KDM5B: variants seen among roughly 807,000 people sequenced by gnomAD.
KDM5B encodes lysine demethylase 5B.
A neutral mutation model predicts 193.4 loss-of-function variants in KDM5B; 144 were observed. The ratio of observed to expected loss-of-function variants is 0.74; its 90% CI spans 0.65 to 0.86. The LOEUF (loss-of-function observed/expected upper bound fraction) is 0.86. KDM5B is among the 40% of genes least tolerant of loss of function. The pLI, the probability that KDM5B is intolerant of heterozygous loss-of-function variation, is 0.00. For synonymous variants in KDM5B, 668 were observed against 682.6 expected (o/e 0.98, Z 0.33); for missense variants, 1,833 against 1,886.9 (o/e 0.97, Z 0.53).
At position 202,746,220 on chromosome 1, in the gene KDM5B, G is replaced by C. The variant is rs1655551864; in HGVS notation, c.2120C>G (p.Ser707Cys). ...TTCFMSAISC[S>C]CKPGLLVCLH... ...GCAAACAAGAAGGCCAGGTTTACAA[G>C]AACAGGAGATGGCAGACATGAAGCA... Residue 707 changes from serine to cysteine, a missense_variant, in exon 15 of 27, where the codon TCT (serine) becomes TGT (cysteine). By Grantham distance (112) the Ser-to-Cys change is moderately radical (BLOSUM62 -1). Around this residue, in one of 3 missense-constraint regions of KDM5B, gnomAD observed 1,379 missense variants for 1,349.6 expected, o/e 1.02. Coordinates refer to ENST00000367265, the MANE Select transcript of KDM5B (RefSeq NM_006618.5). The C allele has an allele frequency of 6.2e-7, 1 of 1,613,768 alleles. No homozygotes were observed. The highest frequency in any genetic ancestry group is 2.2e-5 in the East Asian group (1 of 44,872).
intron 1 of KDM5B, among the ~76,000 whole-genome samples, 193 bp downstream of exon 1, chr1:202,807,909 T>C (rs963749978): frequency 6.6e-6 from 1 of 151,426 alleles, no homozygotes. Flanking sequence ...CCCACGCTCC[T>C]CATCTCCCAC....
intron 1 of KDM5B, 63 bp downstream of exon 1, chr1:202,808,039 A>G (rs949744403): frequency 1.3e-6 from 2 of 1,542,380 alleles, no homozygotes; most frequent in Non-Finnish European, 1.8e-6. Context: ...GCCTCCCCGG[A>G]CCCGCGCGTC....
intron 1 of KDM5B, among the ~76,000 whole-genome samples, chr1:202,778,827 G>A (rs566509989): frequency 1.8e-4 from 28 of 152,094 alleles, no homozygotes; most frequent in African/African-American, 6.0e-4. Flanking sequence ...TCACCATATT[G>A]GTCAGGCTGG....
At chr1:202,765,155 T>C (rs1656398365) in intron 5 of KDM5B, among the ~76,000 whole-genome samples, 1 of 152,204 alleles carries the variant, frequency 6.6e-6, no homozygotes, top group Non-Finnish European at 1.5e-5. Flanking sequence ...TGCTGACCTA[T>C]TCCAAGGTCT....
chr1:202,803,261 T>C (rs1278378298), intron 1 of KDM5B, among the ~76,000 whole-genome samples: 1 of 152,234 alleles, frequency 6.6e-6, no homozygotes, highest in Non-Finnish European at 1.5e-5. Flanking sequence ...TTAGATTGCA[T>C]GTTTAAAACC....
chr1:202,771,319 C>T (rs12127139), intron 4 of KDM5B, among the ~76,000 whole-genome samples: 92,208 of 151,008 alleles, frequency 0.61, 30,971 homozygotes, highest in Middle Eastern at 0.76. Flanking sequence ...GCAACCTCTG[C>T]CTCCCGGGTT....
At chr1:202,737,404 TG>T (rs1285055135) in intron 20 of KDM5B, among the ~76,000 whole-genome samples, 3 of 152,210 alleles carry the variant, frequency 2.0e-5, no homozygotes, top group Non-Finnish European at 2.9e-5. Context: ...CTAATACTGC[TG>T]GTCTGGGAAC....
intron 12 of KDM5B, among the ~76,000 whole-genome samples, chr1:202,751,076 ATAT>A (rs1402728624): frequency 1.3e-5 from 2 of 152,260 alleles, no homozygotes; most frequent in African/African-American, 2.4e-5. Flanking sequence ...ATATCCTAAT[ATAT>A]TATTATTACC....
intron 11 of KDM5B, among the ~76,000 whole-genome samples, chr1:202,753,280 G>A (rs1352955201): frequency 3.3e-5 from 5 of 152,028 alleles, no homozygotes; most frequent in African/African-American, 4.8e-5. Flanking sequence ...GGTAGATCAC[G>A]AGGTCAGGAG....
chr1:202,790,486 G>A (rs775000880), intron 1 of KDM5B, among the ~76,000 whole-genome samples: 1 of 152,040 alleles, frequency 6.6e-6, no homozygotes, highest in Non-Finnish European at 1.5e-5. Context: ...TTGGGAGGCT[G>A]AGGTGGGCAG....
At chr1:202,801,664 T>C (rs112876934) in intron 1 of KDM5B, among the ~76,000 whole-genome samples, 3,021 of 98,952 alleles carry the variant, frequency 0.031, 98 homozygotes, top group African/African-American at 0.084. Context: ...TATTAATTTT[T>C]CCTCTTTAAT....
At chr1:202,804,151 C>G (rs1658191800) in intron 1 of KDM5B, among the ~76,000 whole-genome samples, 1 of 152,022 alleles carries the variant, frequency 6.6e-6, no homozygotes, top group Non-Finnish European at 1.5e-5. Context: ...TGAAAATGTT[C>G]TACAATTGAT....
intron 7 of KDM5B, among the ~76,000 whole-genome samples, chr1:202,760,848 T>C (rs921911347): frequency 6.6e-6 from 1 of 152,164 alleles, no homozygotes; most frequent in African/African-American, 2.4e-5. Flanking sequence ...TAGTTTTTAG[T>C]AGGTTCCAAA....
Position 202,733,423 on chromosome 1 carries a change from C to A in KDM5B, c.3887G>T (p.Gly1296Val). ...CACCTTGTTTGTGTCTGACACCTGT[C>A]CTGCTGAGGCTTGCCATCTGCTATA... ...LLYSRWQASA[G>V]QVSDTNKVSQ... Residue 1296 changes from glycine to valine, a missense_variant, in exon 23 of 27, where the codon GGA (glycine) becomes GTA (valine). By Grantham distance (109) the Gly-to-Val change is moderately radical. Coordinates refer to ENST00000367265, the MANE Select transcript of KDM5B (RefSeq NM_006618.5). The A allele has an allele frequency of 6.2e-7, 1 of 1,612,958 alleles. No homozygotes were observed. Among genetic ancestry groups the A allele is most frequent in the South Asian group, 1.1e-5 (1 of 91,058 alleles).
intron 4 of KDM5B, among the ~76,000 whole-genome samples, chr1:202,768,416 T>C (rs1165226150): frequency 6.6e-6 from 1 of 152,162 alleles, no homozygotes; most frequent in Admixed American, 6.5e-5. Flanking sequence ...ACAACCTTCC[T>C]GAAGCACTAA....
At chr1:202,773,041 C>A (rs1656785571) in intron 4 of KDM5B, 77 bp downstream of exon 4, 7 of 1,103,342 alleles carry the variant, frequency 6.3e-6, no homozygotes, top group Non-Finnish European at 9.3e-6. Context: ...ACAATCAAGG[C>A]TTTTTCATTT....
chr1:202,801,356 T>C (rs1658065988), intron 1 of KDM5B, among the ~76,000 whole-genome samples: 1 of 152,160 alleles, frequency 6.6e-6, no homozygotes, highest in South Asian at 2.1e-4. Flanking sequence ...AAGGATGGTC[T>C]ACAGTTAAAG....
intron 16 of KDM5B, among the ~76,000 whole-genome samples, chr1:202,743,459 C>A (rs1655432966): frequency 6.6e-6 from 1 of 152,024 alleles, no homozygotes; most frequent in Admixed American, 6.6e-5. Context: ...ACCACTTCTT[C>A]CTCCTGCATT....
chr1:202,741,586 T>G lies in KDM5B; in HGVS notation c.2726A>C (p.Glu909Ala), dbSNP rs1558485318. ...GGCTTGTTCCAAACGGATACGCATC[T>G]CAGCAAGCTGTGGAAGTTCAACATC... ...EFDVELPQLA[E>A]MRIRLEQARW... Residue 909 changes from glutamate (E) to alanine (A), a missense_variant, in exon 19 of 27, where the codon GAG becomes GCG. By Grantham distance (107) the Glu-to-Ala change is moderately radical. Transcript: ENST00000367265. 1 of 1,614,230 alleles carries G rather than the reference T, an allele frequency of 6.2e-7. No homozygotes were observed. The highest frequency in any genetic ancestry group is 8.5e-7 in the Non-Finnish European group (1 of 1,180,048).
Sources: gnomAD v4.1 joint callset for allele counts (sites outside exome capture counted in the v4.1 genomes callset) on GRCh38, gnomAD v4.1.1 for gene constraint, gnomAD v4.1.1 regional missense constraint, MANE v1.5 for transcripts, NCBI Gene and HGNC (gene_info 2026-07-23, HGNC 2026-07-21) for gene names.